The following MTUS2 variants were observed in gnomAD, a reference collection of about 807,000 sequenced individuals.
MTUS2 encodes the protein microtubule-associated tumor suppressor candidate 2.
A neutral mutation model predicts 114.1 loss-of-function variants in MTUS2; 40 were observed. The observed-to-expected ratio is 0.35, with a 90% CI of 0.27 to 0.46. The LOEUF is 0.46. Ranked by LOEUF, MTUS2 falls within the 20% of genes least tolerant of loss-of-function variation. MTUS2 has a pLI of 1.00. For synonymous variants in MTUS2, 688 were observed against 672.0 expected (o/e 1.02, Z -0.37); for missense variants, 1,679 against 1,705.4 (o/e 0.98, Z 0.27).
chr13:29,023,848 A>G (rs1020012887), intron 2 of MTUS2, among the ~76,000 whole-genome samples: 5 of 152,192 alleles, frequency 3.3e-5, no homozygotes, highest in African/African-American at 9.7e-5. Context: ...TGGCCCTGAG[A>G]ACTAACTAAT....
chr13:28,996,505 T>G (rs1201829567), intron 2 of MTUS2, among the ~76,000 whole-genome samples: 1 of 152,210 alleles, frequency 6.6e-6, no homozygotes, highest in African/African-American at 2.4e-5. Context: ...CTGGTAGAAT[T>G]CGGCTGTGAA....
rs201498309 is a variant in MTUS2 at position 29,085,869 on chromosome 13, A to G, written c.2447-14904A>G. Among the ~76,000 whole-genome samples the G allele has an allele frequency of 1.6e-4, 24 of 152,306 alleles. 1 individual carries two copies. The highest frequency in any genetic ancestry group is 9.7e-4 in the East Asian group (5 of 5,180). The stretch of plus-strand genomic sequence containing the variant: ...TTGAGAATTCGCTAAACTGCTTTCT[A>G]TAGTAGCCAAACTAATTTACATTCC... On this transcript the variant is annotated intron_variant, in intron 4 of 15. Transcript: ENST00000612955.
intron 5 of MTUS2, chr13:29,239,587 T>C (rs2139390266): frequency 6.6e-6 from 1 of 152,366 alleles, no homozygotes; most frequent in Non-Finnish European, 1.5e-5. Context: ...ATGAGAGTTA[T>C]GGTCTTGATT....
At chr13:28,968,867 G>C (rs1006569745) in intron 2 of MTUS2, among the ~76,000 whole-genome samples, 2 of 151,956 alleles carry the variant, frequency 1.3e-5, no homozygotes, top group African/African-American at 4.8e-5. Flanking sequence ...TTTATTCAAA[G>C]TATACTAAAA....
intron 2 of MTUS2, among the ~76,000 whole-genome samples, chr13:28,950,587 T>C (rs1874391): frequency 0.015 from 2,300 of 152,334 alleles, 52 homozygotes; most frequent in African/African-American, 0.051. Context: ...AATTTCGATA[T>C]TGTTATGTCT....
chr13:29,147,651 C>T (rs1892491999), intron 5 of MTUS2, among the ~76,000 whole-genome samples: 1 of 151,878 alleles, frequency 6.6e-6, no homozygotes, highest in Admixed American at 6.6e-5. Flanking sequence ...CCATGTGTAC[C>T]CAGTGTTTAG....
intron 2 of MTUS2, among the ~76,000 whole-genome samples, chr13:28,928,001 A>C (rs1456701015): frequency 6.6e-6 from 1 of 152,178 alleles, no homozygotes; most frequent in Non-Finnish European, 1.5e-5. Flanking sequence ...GGTGCCAAGA[A>C]CACACAATAG....
At chr13:29,382,482 T>C (rs1359963284) in intron 8 of MTUS2, among the ~76,000 whole-genome samples, 1 of 151,268 alleles carries the variant, frequency 6.6e-6, no homozygotes, top group Non-Finnish European at 1.5e-5. Context: ...AAGTAGGGAG[T>C]AGAGAAAAGG....
chr13:29,234,483 G>A (rs1008113876), intron 5 of MTUS2, among the ~76,000 whole-genome samples: 6 of 152,130 alleles, frequency 3.9e-5, no homozygotes, highest in African/African-American at 1.4e-4. Flanking sequence ...ATAGTATTCA[G>A]TTGCATGTTT....
chr13:29,491,476 A>G (rs985735240), intron 11 of MTUS2, among the ~76,000 whole-genome samples: 14 of 106,250 alleles, frequency 1.3e-4, no homozygotes, highest in Non-Finnish European at 2.2e-4. Flanking sequence ...TATGGTATGT[A>G]TGTGGGATGT....
intron 2 of MTUS2, among the ~76,000 whole-genome samples, chr13:28,949,173 G>A (rs985957329): frequency 1.3e-5 from 2 of 152,182 alleles, no homozygotes; most frequent in South Asian, 2.1e-4. Context: ...CCTCCTTAGG[G>A]AAAATAAACA....
chr13:28,967,288 C>G (rs1883640110), intron 2 of MTUS2, among the ~76,000 whole-genome samples: 1 of 152,146 alleles, frequency 6.6e-6, no homozygotes, highest in Non-Finnish European at 1.5e-5. Flanking sequence ...CACCATTTTA[C>G]TATTTATATT....
intron 7 of MTUS2, among the ~76,000 whole-genome samples, chr13:29,347,669 C>G (rs1189101200): frequency 2.6e-5 from 4 of 152,152 alleles, no homozygotes; most frequent in African/African-American, 7.2e-5. Context: ...ACTAATTACC[C>G]AGAGTTAGCA....
At chr13:29,247,652 C>A (rs1021116509) in intron 5 of MTUS2, among the ~76,000 whole-genome samples, 4 of 152,064 alleles carry the variant, frequency 2.6e-5, no homozygotes, top group Non-Finnish European at 4.4e-5. Context: ...CGAAAAAATG[C>A]TCATCATCAC....
chr13:29,321,785 C>T (rs1486497407), intron 6 of MTUS2, among the ~76,000 whole-genome samples: 1 of 152,034 alleles, frequency 6.6e-6, no homozygotes, highest in African/African-American at 2.4e-5. Context: ...TTAGAAGTAA[C>T]CATTATTAAA....
chr13:29,045,053 C>T (rs1363076810), intron 4 of MTUS2, among the ~76,000 whole-genome samples: 1 of 152,134 alleles, frequency 6.6e-6, no homozygotes, highest in African/African-American at 2.4e-5. Context: ...CTGACATGCT[C>T]CTCTATGACC....
rs182876046 is a variant in MTUS2 at position 29,035,640 on chromosome 13, T to G, written c.2446+1515T>G. On this transcript the variant is annotated intron_variant, in intron 4 of 15. Coordinates refer to ENST00000612955, the MANE Select transcript of MTUS2 (RefSeq NM_001033602.4). Reference sequence around the variant, plus strand: ...TTTTTCTTCATGTTGTCCTCAGAGATATTCCCTTGCTCCTCAATCCCTGTT... The same window carrying G: ...TTTTTCTTCATGTTGTCCTCAGAGAGATTCCCTTGCTCCTCAATCCCTGTT... Among the ~76,000 whole-genome samples, 5 of 152,340 alleles carry G rather than the reference T, an allele frequency of 3.3e-5. No homozygotes were observed. In the East Asian group the frequency reaches 7.7e-4, roughly 24 times the overall value.
rs1893798148 is a variant in MTUS2 at position 29,176,916 on chromosome 13, C to T, written c.2644+75946C>T. Among the ~76,000 whole-genome samples the T allele has an allele frequency of 2.0e-5, 3 of 151,214 alleles. No homozygotes were observed. The South Asian group carries it at 6.2e-4, about 31-fold the overall frequency. Reference sequence around the variant, plus strand: ...CACCCCTGAGCTTCTGCTATGGAGTCCCCGGCAGGCATGGTGGCTCTTTAC... The same window carrying T: ...CACCCCTGAGCTTCTGCTATGGAGTTCCCGGCAGGCATGGTGGCTCTTTAC... On this transcript the variant is annotated intron_variant, in intron 5 of 15. Coordinates refer to ENST00000612955, the MANE Select transcript of MTUS2 (RefSeq NM_001033602.4).
At chr13:28,941,221 A>C (rs897501265) in intron 2 of MTUS2, among the ~76,000 whole-genome samples, 1 of 152,102 alleles carries the variant, frequency 6.6e-6, no homozygotes, top group African/African-American at 2.4e-5. Flanking sequence ...TCTTTTGTTT[A>C]TGTGGGTTAT....
Sources: allele counts gnomAD v4.1 joint callset (sites outside exome capture counted in the v4.1 genomes callset), GRCh38; gene constraint gnomAD v4.1.1; transcripts MANE v1.5; gene names NCBI Gene and HGNC (gene_info 2026-07-23, HGNC 2026-07-21).